Variants in TFDP2 observed in about 807,000 individuals in gnomAD.
TFDP2 encodes the protein transcription factor Dp-2 (E2F dimerization partner 2).
Under a neutral mutation model 59.3 loss-of-function variants are expected in TFDP2, and 17 were observed. The ratio of observed to expected loss-of-function variants is 0.29; its 90% CI spans 0.20 to 0.43. The LOEUF is 0.43. Among genes scored for constraint, TFDP2 ranks in the 20% least tolerant of loss-of-function variants. The probability of loss-of-function intolerance (pLI) is 1.00; values close to 1 mark genes in which losing one functional copy is unlikely to be tolerated. For synonymous variants in TFDP2, 180 were observed against 194.7 expected, an observed-to-expected ratio of 0.92 and a Z score of 0.63; for missense variants, 391 against 528.8, an observed-to-expected ratio of 0.74 and a Z score of 2.56.
At chr3:142,007,256 T>C (rs1944293204) in intron 3 of TFDP2, among the ~76,000 whole-genome samples, 3 of 152,226 alleles carry the variant, frequency 2.0e-5, no homozygotes, top group Non-Finnish European at 4.4e-5. Context: ...AATCAAATTC[T>C]ATTTCTTGTA....
intron 7 of TFDP2, among the ~76,000 whole-genome samples, chr3:141,976,925 A>T (rs1276712469): frequency 6.6e-6 from 1 of 151,838 alleles, no homozygotes; most frequent in Non-Finnish European, 1.5e-5. Flanking sequence ...AATAAAAGTA[A>T]AACTTTAAAG....
At chr3:142,135,579 T>C (rs9757584) in intron 1 of TFDP2, among the ~76,000 whole-genome samples, 6,570 of 152,016 alleles carry the variant, frequency 0.043, 178 homozygotes, top group South Asian at 0.061. Context: ...TGACAGGCCC[T>C]GGTGTGTGAT....
intron 6 of TFDP2, among the ~76,000 whole-genome samples, chr3:141,982,043 G>GCATA (rs1338676066): frequency 6.6e-6 from 1 of 152,040 alleles, no homozygotes; most frequent in South Asian, 2.1e-4. Flanking sequence ...ATACCCCTAG[G>GCATA]CATAACTCAC....
At chr3:142,106,426 T>C (rs2061476470) in intron 1 of TFDP2, among the ~76,000 whole-genome samples, 2 of 152,266 alleles carry the variant, frequency 1.3e-5, no homozygotes, top group East Asian at 1.9e-4. Context: ...AAAATACACA[T>C]TTCTAAATAG....
At chr3:141,974,729 A>G (rs960850625) in intron 7 of TFDP2, among the ~76,000 whole-genome samples, 1 of 152,140 alleles carries the variant, frequency 6.6e-6, no homozygotes, top group African/African-American at 2.4e-5. Flanking sequence ...ACTTAAAAAA[A>G]TCAAGGACAT....
intron 2 of TFDP2, among the ~76,000 whole-genome samples, chr3:142,100,235 C>T (rs1160442734): frequency 2.6e-5 from 4 of 152,248 alleles, no homozygotes; most frequent in Non-Finnish European, 5.9e-5. Context: ...CCTCAGCAGC[C>T]ATTTCATGCA....
At chr3:142,119,399 G>A (rs1051937521) in intron 1 of TFDP2, among the ~76,000 whole-genome samples, 1 of 152,028 alleles carries the variant, frequency 6.6e-6, no homozygotes, top group African/African-American at 2.4e-5. Flanking sequence ...TACAAAGCAA[G>A]ACAACAGTAG....
chr3:142,133,664 T>G (rs2062600788), intron 1 of TFDP2, among the ~76,000 whole-genome samples: 1 of 151,934 alleles, frequency 6.6e-6, no homozygotes, highest in Non-Finnish European at 1.5e-5. Context: ...ACCTGGCTAA[T>G]CTGCTTGTAT....
intron 1 of TFDP2, among the ~76,000 whole-genome samples, chr3:142,129,810 A>T (rs991780838): frequency 6.6e-6 from 1 of 152,060 alleles, no homozygotes; most frequent in South Asian, 2.1e-4. Flanking sequence ...ATTTAAATTT[A>T]TATTTCCCCA....
intron 6 of TFDP2, among the ~76,000 whole-genome samples, chr3:141,991,308 C>T (rs965257160): frequency 3.9e-5 from 6 of 151,950 alleles, no homozygotes; most frequent in African/African-American, 1.5e-4. Context: ...GTATAAATTG[C>T]AATAAATGTA....
Position 141,951,448 on chromosome 3 carries a change from A to G in TFDP2, c.*1065T>C, listed in dbSNP as rs1475435263. 2 of 152,662 alleles carry G rather than the reference A, an allele frequency of 1.3e-5. No individual in the cohort carries two copies. The highest frequency in any genetic ancestry group is 6.5e-5 in the Admixed American group (1 of 15,288). The allele number at this position is 152,662 out of a possible 1,614,324, so 9.5% of individuals were successfully genotyped here. On this transcript the variant is annotated 3_prime_UTR_variant, in exon 13 of 13. Transcript: ENST00000489671. ...GCAATTGACCCCAGGAGTAGGCTCAATAAGGTCATTCTGATTAATGAAAAT... is the reference window on the plus strand; with the variant it reads ...GCAATTGACCCCAGGAGTAGGCTCAGTAAGGTCATTCTGATTAATGAAAAT...
rs758550520 is a variant in TFDP2, at chr3:141,952,933, C to A, written c.1135G>T (p.Gly379Cys). 1 of 1,613,948 alleles carries A rather than the reference C, an allele frequency of 6.2e-7. No homozygotes were observed. The highest frequency in any genetic ancestry group is 8.5e-7 in the Non-Finnish European group (1 of 1,179,954). Residue 379 changes from glycine (G) to cysteine (C), a missense_variant, in exon 12 of 13, where the codon GGT becomes TGT. Physicochemically the swap from Gly to Cys is radical, Grantham distance 159 (BLOSUM62 -3). Transcript: ENST00000489671. ...QSVSNLDLTTGATLPQSSVNQ... is the reference protein window; with the variant it reads ...QSVSNLDLTTCATLPQSSVNQ... ...TACCTTGACTGGGGTAAGGTGGCAC[C>A]AGTGGTCAGGTCTAAATTTGAAACT...
intron 3 of TFDP2, among the ~76,000 whole-genome samples, chr3:142,027,256 T>C (rs1946161574): frequency 6.7e-6 from 1 of 150,328 alleles, no homozygotes; most frequent in Admixed American, 6.7e-5. Flanking sequence ...TGTTACTCAT[T>C]TTGTTACTCT....
rs1277369792 is a variant in TFDP2 at position 141,952,075 on chromosome 3, T to C, written c.*438A>G. On this transcript the variant is annotated 3_prime_UTR_variant, in exon 13 of 13. Coordinates refer to ENST00000489671, the MANE Select transcript of TFDP2 (RefSeq NM_001178139.2). Reference sequence around the variant, plus strand: ...CTCCTGGGGACTTTTCATGTTCATTTCTGCCTTGTCAAAGGCAGTCCAGGC... The same window carrying C: ...CTCCTGGGGACTTTTCATGTTCATTCCTGCCTTGTCAAAGGCAGTCCAGGC... The C allele has an allele frequency of 1.9e-5, 3 of 153,882 alleles. No individual in the cohort carries two copies. The highest frequency in any genetic ancestry group is 7.2e-5 in the African/African-American group (3 of 41,464). 9.5% of individuals were successfully genotyped at this position (153,882 alleles called of 1,614,324 possible). A position where few individuals can be genotyped will look rare whatever the true frequency, so the allele number is the denominator to read the frequency against.
intron 3 of TFDP2, among the ~76,000 whole-genome samples, chr3:142,009,005 CCTT>C (rs1354859321): frequency 1.3e-5 from 2 of 152,162 alleles, no homozygotes; most frequent in Admixed American, 6.5e-5. Context: ...CTATGCATCT[CCTT>C]CTTGTTAAAA....
intron 3 of TFDP2, among the ~76,000 whole-genome samples, chr3:142,080,654 T>C (rs1446584545): frequency 1.3e-5 from 2 of 152,138 alleles, no homozygotes; most frequent in Non-Finnish European, 2.9e-5. Flanking sequence ...TGCAAAAAGA[T>C]ATTCCATGAC....
chr3:141,981,433 C>G (rs1321327406), intron 6 of TFDP2, among the ~76,000 whole-genome samples: 1 of 152,084 alleles, frequency 6.6e-6, no homozygotes, highest in Admixed American at 6.6e-5. Context: ...AATATATTTA[C>G]TGATAAATAA....
At chr3:141,973,123 A>ATATATATATATTTTTTTTT in intron 8 of TFDP2, among the ~76,000 whole-genome samples, 21 of 58,012 alleles carry the variant, frequency 3.6e-4, no homozygotes, top group Non-Finnish European at 6.7e-4. Flanking sequence ...ATATATATAT[A>ATATATATATATTTTTTTTT]TTTTTTTTTT....
At chr3:142,126,877 C>T (rs1014062882) in intron 1 of TFDP2, among the ~76,000 whole-genome samples, 1 of 146,738 alleles carries the variant, frequency 6.8e-6, no homozygotes, top group Non-Finnish European at 1.5e-5. Context: ...ACCCGGAAGG[C>T]GGAGGTTGCA....
Sources: gnomAD v4.1 joint callset for allele counts (sites outside exome capture counted in the v4.1 genomes callset) on GRCh38, gnomAD v4.1.1 for gene constraint, MANE v1.5 for transcripts, NCBI Gene and HGNC (gene_info 2026-07-23, HGNC 2026-07-21) for gene names.